Variants in ANK2 observed in about 807,000 individuals in gnomAD.
ANK2 encodes ankyrin 2.
A neutral mutation model predicts 360.5 loss-of-function variants in ANK2; 83 were observed. The observed-to-expected ratio is 0.23, with a 90% CI of 0.19 to 0.28. The LOEUF is 0.28. Ranked by LOEUF, ANK2 falls within the 10% of genes least tolerant of loss-of-function variation. The pLI is 1.00. For missense variants in ANK2, 4,201 were observed against 4,795.7 expected, an observed-to-expected ratio of 0.88 and a Z score of 3.66; for synonymous variants, 1,740 against 1,759.5, an observed-to-expected ratio of 0.99 and a Z score of 0.28.
intron 1 of ANK2, among the ~76,000 whole-genome samples, chr4:112,878,184 C>CTATCTATCTAT (rs1553962750): frequency 7.3e-5 from 4 of 54,898 alleles, no homozygotes; most frequent in South Asian, 5.3e-4. Context: ...CTATCTATCT[C>CTATCTATCTAT]CTTTTGCCTC....
At chr4:113,108,059 T>C (rs1298367681) in intron 1 of ANK2, among the ~76,000 whole-genome samples, 1 of 152,198 alleles carries the variant, frequency 6.6e-6, no homozygotes, top group Non-Finnish European at 1.5e-5. Context: ...CGTTTACCAA[T>C]GATCTGATGT....
At position 113,211,248 on chromosome 4, in the gene ANK2, A is replaced by G. The variant is rs144872621; in HGVS notation, c.384+12139A>G. On this transcript the variant is annotated intron_variant, in intron 4 of 45. Transcript: ENST00000357077. ...GTGAGCACAATGTATCGAGCTAATG[A>G]TAATTTGTGCATCATTCTTGTTCAT... Among the ~76,000 whole-genome samples, 327 of 152,340 alleles carry G rather than the reference A, an allele frequency of 2.1e-3. 2 individuals are homozygous for G. The highest frequency in any genetic ancestry group is 7.1e-3 in the African/African-American group (294 of 41,588).
intron 2 of ANK2, among the ~76,000 whole-genome samples, chr4:112,976,552 G>A (rs1287217368): frequency 6.6e-6 from 1 of 152,060 alleles, no homozygotes; most frequent in African/African-American, 2.4e-5. Context: ...TCTGCAATAT[G>A]GGAATAATTG....
chr4:112,849,525 T>G (rs564446284), intron 1 of ANK2, among the ~76,000 whole-genome samples: 1 of 152,352 alleles, frequency 6.6e-6, no homozygotes, highest in East Asian at 1.9e-4. Flanking sequence ...TTTCTCCTTC[T>G]TCTTTGTTAT....
intron 2 of ANK2, among the ~76,000 whole-genome samples, chr4:112,950,585 A>G (rs1192450015): frequency 1.3e-5 from 2 of 151,408 alleles, no homozygotes; most frequent in Admixed American, 1.3e-4. Flanking sequence ...TGGAGGTTGC[A>G]GTGAGCCGAG....
chr4:113,353,272 G>A lies in ANK2; in HGVS notation c.4654G>A (p.Val1552Ile), dbSNP rs765508222. 1.3e-5 allele frequency: 21 copies of A among 1,613,812 alleles called. No individual in the cohort carries two copies. The highest frequency in any genetic ancestry group is 3.3e-5 in the Admixed American group (2 of 59,956). Reference protein sequence around the residue: ...EEEPGEPFEIVERVKEDLEKV... With the variant: ...EEEPGEPFEIIERVKEDLEKV... ...AGAGCCAGGAGAGCCTTTTGAAATC[G>A]TTGAAAGAGTTAAAGAGGACTTAGA... Residue 1552 changes from valine (V) to isoleucine (I), a missense_variant, in exon 38 of 46, where the codon GTT becomes ATT. Coordinates refer to ENST00000357077, the MANE Select transcript of ANK2 (RefSeq NM_001148.6).
In ANK2 at chr4:113,358,092, G is replaced by C. The variant is rs145111737; in HGVS notation, c.9474G>C (p.Pro3158=). Residue 3158 remains proline (P), a synonymous_variant, in exon 38 of 46, where the codon CCG becomes CCC. Transcript: ENST00000357077. ...KEGATGADPL[P]LETSAESLAL... is the part of the protein sequence containing the mutation. ...GGGCTACTGGGGCTGATCCCCTACC[G>C]CTGGAGACATCAGCTGAATCACTAG... 2 of 1,613,966 alleles carry C rather than the reference G, an allele frequency of 1.2e-6. No homozygotes were observed. The highest frequency in any genetic ancestry group is 2.7e-5 in the African/African-American group (2 of 74,920).
intron 2 of ANK2, among the ~76,000 whole-genome samples, chr4:113,040,961 C>A (rs545237844): frequency 6.6e-5 from 10 of 152,162 alleles, no homozygotes; most frequent in African/African-American, 2.4e-4. Context: ...AGGCAAGATG[C>A]CTTCCCACTG....
At chr4:112,882,730 C>T (rs2077052735) in intron 1 of ANK2, among the ~76,000 whole-genome samples, 1 of 151,470 alleles carries the variant, frequency 6.6e-6, no homozygotes, top group Non-Finnish European at 1.5e-5. Flanking sequence ...AAGCAAAAAA[C>T]CTAGGTTCTG....
the ANK2 span, among the ~76,000 whole-genome samples, chr4:112,789,837 C>T: frequency 1.3e-5 from 2 of 152,220 alleles, no homozygotes; most frequent in African/African-American, 2.4e-5. Context: ...ACCTCTCTCT[C>T]TTTGCATCAG....
At chr4:113,042,881 T>C (rs2063321624) in intron 2 of ANK2, among the ~76,000 whole-genome samples, 1 of 152,224 alleles carries the variant, frequency 6.6e-6, no homozygotes, top group Admixed American at 6.5e-5. Flanking sequence ...TCTTGTTCTT[T>C]CAGACTAGGT....
intron 2 of ANK2, among the ~76,000 whole-genome samples, chr4:113,003,967 G>C (rs2051783786): frequency 6.6e-6 from 1 of 152,126 alleles, no homozygotes; most frequent in Non-Finnish European, 1.5e-5. Flanking sequence ...ACATGGAAAA[G>C]GTGCAGTAAA....
chr4:113,244,830 T>A (rs1007531485), intron 9 of ANK2, among the ~76,000 whole-genome samples: 1 of 152,132 alleles, frequency 6.6e-6, no homozygotes, highest in African/African-American at 2.4e-5. Context: ...GTGTTCTCAT[T>A]GTTCAACTCC....
At chr4:112,945,752 G>A (rs1354284703) in intron 2 of ANK2, among the ~76,000 whole-genome samples, 1 of 152,156 alleles carries the variant, frequency 6.6e-6, no homozygotes, top group Non-Finnish European at 1.5e-5. Context: ...CATGAGTGAT[G>A]GTTGTCTTAT....
chr4:113,366,526 T>C (rs894554990), intron 41 of ANK2, among the ~76,000 whole-genome samples: 14 of 151,280 alleles, frequency 9.3e-5, no homozygotes, highest in African/African-American at 3.2e-4. Context: ...ATCTCCCACC[T>C]CTGTCTCTAT....
chr4:113,295,065 T>C (rs1010308353), intron 22 of ANK2, among the ~76,000 whole-genome samples: 1 of 152,208 alleles, frequency 6.6e-6, no homozygotes, highest in Non-Finnish European at 1.5e-5. Context: ...GGGAATAATG[T>C]ATGTTTATTT....
the ANK2 span, among the ~76,000 whole-genome samples, chr4:112,804,350 T>C: frequency 2.6e-5 from 4 of 152,174 alleles, no homozygotes; most frequent in Non-Finnish European, 5.9e-5. Flanking sequence ...AATACTTTAT[T>C]CAAGAGAAGC....
At chr4:112,901,184 T>G (rs1238597677) in intron 1 of ANK2, among the ~76,000 whole-genome samples, 3 of 152,178 alleles carry the variant, frequency 2.0e-5, no homozygotes, top group Admixed American at 6.5e-5. Context: ...GTCATTTTTT[T>G]GGGGTATTAG....
intron 1 of ANK2, among the ~76,000 whole-genome samples, chr4:113,064,141 T>C (rs1215322077): frequency 5.9e-5 from 9 of 152,218 alleles, no homozygotes. Context: ...CTGAATTGTT[T>C]ACAGGTGTTA....
Sources: gnomAD v4.1 joint callset for allele counts (sites outside exome capture counted in the v4.1 genomes callset) on GRCh38, gnomAD v4.1.1 for gene constraint, MANE v1.5 for transcripts, NCBI Gene and HGNC (gene_info 2026-07-23, HGNC 2026-07-21) for gene names.